Variants in RFFL observed in about 807,000 individuals in gnomAD.
RFFL encodes ring finger and FYVE like domain containing E3 ubiquitin protein ligase, also known as E3 ubiquitin-protein ligase rififylin.
In RFFL, 16 loss-of-function variants were observed where a neutral mutation model predicts 40.4. That is an observed-to-expected ratio of 0.40 (90% CI 0.27 to 0.60). The LOEUF (loss-of-function observed/expected upper bound fraction) is 0.60, where lower values mean the gene tolerates loss of function less well. RFFL is among the 20% of genes least tolerant of loss of function. The pLI, the probability that RFFL is intolerant of heterozygous loss-of-function variation, is 0.47. For missense variants in RFFL, 367 were observed against 451.7 expected (o/e 0.81, Z 1.70); for synonymous variants, 154 against 167.9 (o/e 0.92, Z 0.64).
At chr17:35,039,107 A>C (rs2091145494) in intron 1 of RFFL, among the ~76,000 whole-genome samples, 1 of 152,084 alleles carries the variant, frequency 6.6e-6, no homozygotes, top group East Asian at 1.9e-4. Context: ...GGGTTTCATC[A>C]AGTTGCCCAG....
chr17:35,081,003 A>C (rs1051155494), intron 1 of RFFL, among the ~76,000 whole-genome samples: 2 of 152,228 alleles, frequency 1.3e-5, no homozygotes, highest in Non-Finnish European at 2.9e-5. Flanking sequence ...TCATACACTG[A>C]AGTGTGCTCA....
intron 1 of RFFL, among the ~76,000 whole-genome samples, chr17:35,061,139 C>A: frequency 6.6e-6 from 1 of 152,084 alleles, no homozygotes; most frequent in Non-Finnish European, 1.5e-5. Context: ...ACTGTGAAAG[C>A]TTTTAGAAGT....
At chr17:35,017,701 C>T in intron 3 of RFFL, 95 bp from the exon 4 acceptor site, 1 of 827,658 alleles carries the variant, frequency 1.2e-6, no homozygotes, top group Non-Finnish European at 2.0e-6. Context: ...CCAGAATGTA[C>T]TCCCATCATG....
chr17:35,048,636 G>A (rs529957353), intron 1 of RFFL, among the ~76,000 whole-genome samples: 1 of 152,134 alleles, frequency 6.6e-6, no homozygotes, highest in Non-Finnish European at 1.5e-5. Flanking sequence ...CATTGCTAAT[G>A]AGTTTGTTAC....
intron 1 of RFFL, among the ~76,000 whole-genome samples, chr17:35,030,889 A>G (rs1010793922): frequency 1.3e-5 from 2 of 152,072 alleles, no homozygotes; most frequent in East Asian, 3.8e-4. Flanking sequence ...CAAGTAATAG[A>G]CTTTCTGTAC....
Position 35,016,524 on chromosome 17 carries a change from C to G in RFFL, c.732G>C (p.Leu244=). ...GGCCTTCAATGTCCTCCAGGTCAGT[C>G]AGGTCAGACAGAGAGGCCCTTCGGC... ...VPGRRASLSD[L]TDLEDIEGLT... Residue 244 remains leucine (L), a synonymous_variant, in exon 5 of 7, where the codon CTG becomes CTC. Transcript: ENST00000394597. The G allele has an allele frequency of 6.2e-7, 1 of 1,614,212 alleles. No individual in the cohort carries two copies. The highest frequency in any genetic ancestry group is 8.5e-7 in the Non-Finnish European group (1 of 1,180,030).
Position 35,026,489 on chromosome 17 carries a change from T to C in RFFL, c.65A>G (p.Gln22Arg). 2 of 1,612,114 alleles carry C rather than the reference T, an allele frequency of 1.2e-6. No individual in the cohort carries two copies. Among genetic ancestry groups the C allele is most frequent in the East Asian group, 2.2e-5 (1 of 44,824 alleles). The change falls in exon 2 of 7, where the codon CAG becomes CGG. Residue 22 changes from glutamine (Q) to arginine (R), a missense_variant. Coordinates refer to ENST00000394597, the MANE Select transcript of RFFL (RefSeq NM_001017368.2). ...DGQPEEVPPP[Q>R]GARMQAYSNP... is the part of the protein sequence containing the mutation. Reference sequence around the variant, plus strand: ...GGAATAGGCCTGCATCCTGGCTCCCTGGGGTGGTGGGACCTCCTCAGGCTG... The same window carrying C: ...GGAATAGGCCTGCATCCTGGCTCCCCGGGGTGGTGGGACCTCCTCAGGCTG...
At chr17:35,059,311 G>A (rs894568352) in intron 1 of RFFL, among the ~76,000 whole-genome samples, 12 of 152,012 alleles carry the variant, frequency 7.9e-5, no homozygotes, top group Middle Eastern at 3.2e-3. Flanking sequence ...GAGCCACTGC[G>A]CTCGGCCACT....
chr17:35,067,940 T>C (rs1394050228), upstream of RFFL, among the ~76,000 whole-genome samples: 1 of 152,176 alleles, frequency 6.6e-6, no homozygotes, highest in African/African-American at 2.4e-5. Flanking sequence ...CCACAAAAAA[T>C]ACAAACTGTA....
intron 3 of RFFL, 141 bp from the exon 4 acceptor site, chr17:35,017,747 AAAGC>A: frequency 1.6e-6 from 1 of 629,648 alleles, no homozygotes. Context: ...CATCATTACA[AAAGC>A]CTGCTCTCTC....
chr17:35,076,489 T>G (rs2091377147), intron 1 of RFFL, among the ~76,000 whole-genome samples: 1 of 151,696 alleles, frequency 6.6e-6, no homozygotes, highest in South Asian at 2.1e-4. Flanking sequence ...AAGACCAGCC[T>G]GACCAACATG....
chr17:35,038,250 T>C (rs1435875428), intron 1 of RFFL, among the ~76,000 whole-genome samples: 1 of 139,908 alleles, frequency 7.1e-6, no homozygotes. Context: ...GATCGCACCA[T>C]TGCATTCCTG....
At chr17:35,041,841 AC>A in intron 1 of RFFL, among the ~76,000 whole-genome samples, 1 of 152,032 alleles carries the variant, frequency 6.6e-6, no homozygotes, top group East Asian at 1.9e-4. Context: ...ACATGGTGAA[AC>A]CCCGTCTCTA....
At chr17:35,026,919 G>A (rs1030901913) in intron 1 of RFFL, among the ~76,000 whole-genome samples, 4 of 152,130 alleles carry the variant, frequency 2.6e-5, no homozygotes, top group African/African-American at 9.7e-5. Flanking sequence ...GGCCAGGCTA[G>A]TCTCGAACTC....
intron 1 of RFFL, among the ~76,000 whole-genome samples, chr17:35,054,920 CTT>C (rs72116250): frequency 7.8e-5 from 11 of 141,338 alleles, no homozygotes; most frequent in Non-Finnish European, 9.3e-5. Context: ...GATCCAACAG[CTT>C]TTTTTTTTTT....
intron 1 of RFFL, among the ~76,000 whole-genome samples, chr17:35,081,926 C>G (rs913725853): frequency 6.6e-6 from 1 of 151,812 alleles, no homozygotes; most frequent in Non-Finnish European, 1.5e-5. Flanking sequence ...GATTCCCAAT[C>G]AATATGAAAG....
chr17:35,041,828 A>G (rs558081003), intron 1 of RFFL, among the ~76,000 whole-genome samples: 1 of 152,112 alleles, frequency 6.6e-6, no homozygotes, highest in South Asian at 2.1e-4. Context: ...ACCAGCCTAG[A>G]CAACATGGTG....
intron 1 of RFFL, among the ~76,000 whole-genome samples, chr17:35,061,844 C>T (rs1019538588): frequency 1.1e-4 from 17 of 151,966 alleles, no homozygotes; most frequent in Middle Eastern, 6.8e-3. Context: ...CCACGCCCAG[C>T]TAATTTTTTG....
chr17:35,016,457 C>CT lies in RFFL; in HGVS notation c.798_799insA (p.Val267SerfsTer8), dbSNP rs1176044665. 3 of 1,614,092 alleles carry CT rather than the reference C, an allele frequency of 1.9e-6. No individual in the cohort carries two copies. In the African/African-American group the frequency reaches 4.0e-5, roughly 22 times the overall value. ...TTCTCACAGCAGCCCTTGTAGTTGA[C>CT]AAAGTTGCGAGCCAAGATCTCTTTC... On this transcript the variant is annotated frameshift_variant, in exon 5 of 7. Coordinates refer to ENST00000394597, the MANE Select transcript of RFFL (RefSeq NM_001017368.2). LOFTEE classifies it high-confidence loss of function.
Sources: gnomAD v4.1 joint callset for allele counts (sites outside exome capture counted in the v4.1 genomes callset) on GRCh38, gnomAD v4.1.1 for gene constraint, MANE v1.5 for transcripts, NCBI Gene and HGNC (gene_info 2026-07-23, HGNC 2026-07-21) for gene names.